Variants in PAPPA observed in about 807,000 individuals in gnomAD.
PAPPA encodes the protein pappalysin 1.
In PAPPA, 60 loss-of-function variants were observed where a neutral mutation model predicts 164.0. The ratio of observed to expected loss-of-function variants is 0.37; its 90% CI spans 0.30 to 0.45. PAPPA has a LOEUF of 0.45. Ranked by LOEUF, PAPPA falls within the 20% of genes least tolerant of loss-of-function variation. The pLI is 1.00. For missense variants in PAPPA, 1,782 were observed against 2,087.3 expected (o/e 0.85, Z 2.85); for synonymous variants, 875 against 814.1 (o/e 1.07, Z -1.27).
In PAPPA at chr9:116,396,918, T is replaced by A; in HGVS notation, c.*302T>A. 2.4e-6 allele frequency: 1 copy of A among 414,316 alleles called. No individual in the cohort carries two copies. Among genetic ancestry groups the A allele is most frequent in the Non-Finnish European group, 4.4e-6 (1 of 226,970 alleles). 25.7% of individuals were successfully genotyped at this position (414,316 alleles called of 1,614,324 possible). On this transcript the variant is annotated 3_prime_UTR_variant, in exon 22 of 22. Coordinates refer to ENST00000328252, the MANE Select transcript of PAPPA (RefSeq NM_002581.5). ...TGTCACACAACCACAGCAAGAAACGTGTTCTATATCTAGAGTGTGCCCATC... is the reference window on the plus strand; with the variant it reads ...TGTCACACAACCACAGCAAGAAACGAGTTCTATATCTAGAGTGTGCCCATC...
chr9:116,328,952 AC>A (rs1170948310), intron 10 of PAPPA, among the ~76,000 whole-genome samples: 1 of 152,250 alleles, frequency 6.6e-6, no homozygotes, highest in Non-Finnish European at 1.5e-5. Flanking sequence ...AATTACTTCA[AC>A]AAAAGTTTTA....
chr9:116,274,747 A>G (rs997284558), intron 9 of PAPPA, among the ~76,000 whole-genome samples: 6 of 152,186 alleles, frequency 3.9e-5, no homozygotes, highest in African/African-American at 9.6e-5. Flanking sequence ...GAAGAGCCCA[A>G]CGCTTAGTAT....
chr9:116,218,789 G>A (rs1007449983), intron 4 of PAPPA, among the ~76,000 whole-genome samples: 1 of 152,062 alleles, frequency 6.6e-6, no homozygotes, highest in Non-Finnish European at 1.5e-5. Context: ...GACTGCCTGG[G>A]TTCAAACCCC....
intron 2 of PAPPA, among the ~76,000 whole-genome samples, chr9:116,201,827 A>G (rs1051524872): frequency 1.3e-5 from 2 of 152,146 alleles, no homozygotes; most frequent in Non-Finnish European, 2.9e-5. Context: ...TCTAACCTGA[A>G]AGAACTGTTT....
At chr9:116,337,323 G>T (rs559436938) in intron 13 of PAPPA, among the ~76,000 whole-genome samples, 1 of 152,298 alleles carries the variant, frequency 6.6e-6, no homozygotes, top group Admixed American at 6.5e-5. Context: ...CCCCAGTGGG[G>T]AAAGGACAGC....
chr9:116,333,925 T>C lies in PAPPA; in HGVS notation c.3398-936T>C, dbSNP rs778238521. ...CAGCATTCTCCGAGGCAGCTTCACC[T>C]CTGGAACTGAGAAGGGCACCTGCTT... On this transcript the variant is annotated intron_variant, in intron 12 of 21. Transcript: ENST00000328252. 2.7e-4 allele frequency among the ~76,000 whole-genome samples: 41 copies of C among 152,240 alleles called. No individual in the cohort carries two copies. The Middle Eastern group carries it at 0.01, about 38-fold the overall frequency.
intron 17 of PAPPA, among the ~76,000 whole-genome samples, chr9:116,356,517 A>G (rs1846356102): frequency 6.6e-6 from 1 of 152,222 alleles, no homozygotes; most frequent in African/African-American, 2.4e-5. Flanking sequence ...ACAGATTGCA[A>G]CCTAGCCCTC....
At chr9:116,378,693 T>A (rs1272631010) in intron 20 of PAPPA, among the ~76,000 whole-genome samples, 1 of 152,130 alleles carries the variant, frequency 6.6e-6, no homozygotes, top group Non-Finnish European at 1.5e-5. Flanking sequence ...ATTTTCTTGG[T>A]GTATAGAGTA....
chr9:116,244,334 T>C (rs1166975125), intron 7 of PAPPA, among the ~76,000 whole-genome samples: 2 of 152,200 alleles, frequency 1.3e-5, no homozygotes, highest in African/African-American at 4.8e-5. Context: ...CTTCTACAGA[T>C]GGGCAAACTG....
chr9:116,334,157 C>T (rs1846028809), intron 12 of PAPPA, among the ~76,000 whole-genome samples: 1 of 151,444 alleles, frequency 6.6e-6, no homozygotes, highest in African/African-American at 2.4e-5. Flanking sequence ...CCACAGCCTT[C>T]CTTTCCTTCT....
intron 2 of PAPPA, among the ~76,000 whole-genome samples, chr9:116,206,636 T>G (rs1352512769): frequency 6.6e-6 from 1 of 152,150 alleles, no homozygotes; most frequent in East Asian, 1.9e-4. Flanking sequence ...TTCCCCCAGG[T>G]GGCCACAAGT....
intron 21 of PAPPA, among the ~76,000 whole-genome samples, chr9:116,385,273 ATAAATAAATAAT>A (rs1205885995): frequency 1.4e-5 from 2 of 139,408 alleles, no homozygotes; most frequent in African/African-American, 5.2e-5. Context: ...AAATAAATAA[ATAAATAAATAAT>A]AATTTGGAAT....
chr9:116,180,418 A>T (rs1843890033), intron 1 of PAPPA, among the ~76,000 whole-genome samples: 1 of 152,000 alleles, frequency 6.6e-6, no homozygotes, highest in African/African-American at 2.4e-5. Context: ...AAATCAATTA[A>T]CCTCTCTACA....
intron 10 of PAPPA, among the ~76,000 whole-genome samples, chr9:116,311,643 A>C (rs1343941974): frequency 1.3e-5 from 2 of 152,218 alleles, no homozygotes; most frequent in African/African-American, 4.8e-5. Context: ...GAATGATTTC[A>C]GTTTTCTGAG....
At chr9:116,312,276 TTTTC>T (rs1205311147) in intron 10 of PAPPA, among the ~76,000 whole-genome samples, 6 of 137,772 alleles carry the variant, frequency 4.4e-5, no homozygotes, top group South Asian at 2.6e-4. Context: ...TTTTCTTTTC[TTTTC>T]TTTCTTTCTT....
At chr9:116,211,349 T>C (rs1200692701) in intron 3 of PAPPA, among the ~76,000 whole-genome samples, 2 of 152,216 alleles carry the variant, frequency 1.3e-5, no homozygotes, top group East Asian at 1.9e-4. Context: ...TTGCTCTCCA[T>C]TGAAATAATT....
intron 17 of PAPPA, among the ~76,000 whole-genome samples, chr9:116,356,865 A>T (rs907729153): frequency 1.3e-5 from 2 of 152,182 alleles, no homozygotes; most frequent in African/African-American, 2.4e-5. Context: ...AACCTAGATG[A>T]CAGTTTGATA....
intron 9 of PAPPA, among the ~76,000 whole-genome samples, chr9:116,272,961 T>C (rs1345170648): frequency 6.6e-6 from 1 of 152,180 alleles, no homozygotes; most frequent in African/African-American, 2.4e-5. Flanking sequence ...CCTGCACTTC[T>C]GTTGTGTGAT....
At chr9:116,160,780 G>C (rs1034823804) in intron 1 of PAPPA, among the ~76,000 whole-genome samples, 3 of 152,262 alleles carry the variant, frequency 2.0e-5, no homozygotes, top group Admixed American at 6.5e-5. Flanking sequence ...TTCTTGCCTT[G>C]GTGCAGTTAC....
Sources: gnomAD v4.1 joint callset for allele counts (sites outside exome capture counted in the v4.1 genomes callset) on GRCh38, gnomAD v4.1.1 for gene constraint, MANE v1.5 for transcripts, NCBI Gene and HGNC (gene_info 2026-07-23, HGNC 2026-07-21) for gene names.